HTR4: variants seen among roughly 807,000 people sequenced by gnomAD.
The protein encoded by HTR4 is 5-hydroxytryptamine receptor 4.
Under a neutral mutation model 36.8 loss-of-function variants are expected in HTR4, and 16 were observed. The ratio of observed to expected loss-of-function variants is 0.43; its 90% CI spans 0.29 to 0.66. HTR4 has a LOEUF of 0.66. Among genes scored for constraint, HTR4 ranks in the 30% least tolerant of loss-of-function variants. The probability of loss-of-function intolerance (pLI) is 0.13; values close to 1 mark genes in which losing one functional copy is unlikely to be tolerated. For missense variants in HTR4, 438 were observed against 490.9 expected, an observed-to-expected ratio of 0.89 and a Z score of 1.02; for synonymous variants, 189 against 185.1, an observed-to-expected ratio of 1.02 and a Z score of -0.17.
intron 2 of HTR4, chr5:148,629,782 T>A (rs1230545750): frequency 6.6e-6 from 1 of 152,192 alleles, no homozygotes; most frequent in Admixed American, 6.5e-5. Context: ...AGCAGTAAGT[T>A]CCAGAAGAAA....
At chr5:148,620,616 T>C (rs1752880139) in intron 2 of HTR4, among the ~76,000 whole-genome samples, 2 of 152,234 alleles carry the variant, frequency 1.3e-5, no homozygotes, top group African/African-American at 4.8e-5. Flanking sequence ...ATACTTTAGA[T>C]ATGTTAAGTT....
chr5:148,572,225 A>G (rs998184537), intron 2 of HTR4, among the ~76,000 whole-genome samples: 1 of 152,072 alleles, frequency 6.6e-6, no homozygotes, highest in Non-Finnish European at 1.5e-5. Context: ...TATTCTCATT[A>G]TCTGAGTGCT....
intron 2 of HTR4, among the ~76,000 whole-genome samples, chr5:148,588,351 G>A (rs1376118056): frequency 2.0e-5 from 3 of 152,142 alleles, no homozygotes; most frequent in African/African-American, 7.2e-5. Context: ...TCAGACCTGA[G>A]CAATGATTAT....
rs1244517058 is a variant in HTR4, at chr5:148,465,791, G to A, written c.1077-14519C>T. ...ATAAACAGACACTTAAGGATATTTT[G>A]TATAAAGAAATAAATAGGCAGACAC... is the stretch of plus-strand genomic sequence containing the variant. On this transcript the variant is annotated intron_variant, in intron 5 of 5. Coordinates refer to the HTR4 transcript ENST00000521530. 4 of 1,571,422 alleles carry A rather than the reference G, an allele frequency of 2.5e-6. No individual in the cohort carries two copies. The African/African-American group carries it at 5.5e-5, about 22-fold the overall frequency.
chr5:148,572,052 A>T (rs1411443291), intron 2 of HTR4, among the ~76,000 whole-genome samples: 1 of 152,140 alleles, frequency 6.6e-6, no homozygotes, highest in African/African-American at 2.4e-5. Flanking sequence ...AGATAAAAAA[A>T]TTAATTTTGT....
chr5:148,622,613 T>C (rs916582113), intron 2 of HTR4, among the ~76,000 whole-genome samples: 3 of 152,248 alleles, frequency 2.0e-5, no homozygotes, highest in African/African-American at 7.2e-5. Context: ...GGTTCTGTTA[T>C]TTACTAGCGG....
rs536857014 is a variant in HTR4, at chr5:148,654,145, C to T, written c.-131G>A. 640 of 985,700 alleles carry T rather than the reference C, an allele frequency of 6.5e-4. 8 individuals carry two copies. In the African/African-American group the frequency reaches 0.011, roughly 16 times the overall value. The allele number at this position is 985,700 out of a possible 1,614,324, so 61.1% of individuals were successfully genotyped here. ...CGCTGAGCCGAGCTTCTGCTGCCGC[C>T]GCTGCCGCTGCGCTCCCAGCCGCTG... On this transcript the variant is annotated 5_prime_UTR_variant, in exon 1 of 7. Transcript: ENST00000377888.
intron 2 of HTR4, among the ~76,000 whole-genome samples, chr5:148,625,718 C>T (rs1267307348): frequency 6.6e-6 from 1 of 151,908 alleles, no homozygotes; most frequent in Non-Finnish European, 1.5e-5. Flanking sequence ...GTAGCTGGGA[C>T]CACAGGTGCA....
At chr5:148,520,832 C>A in intron 5 of HTR4, 1 of 1,329,074 alleles carries the variant, frequency 7.5e-7, no homozygotes, top group Non-Finnish European at 1.0e-6. Flanking sequence ...GGATAGGATT[C>A]AAAAAATGTC....
chr5:148,471,576 T>C (rs567869910), intron 5 of HTR4, among the ~76,000 whole-genome samples: 1 of 152,240 alleles, frequency 6.6e-6, no homozygotes, highest in South Asian at 2.1e-4. Flanking sequence ...TGAGTCATTG[T>C]GCTCACAAAA....
At chr5:148,632,544 C>T (rs1414248970) in intron 2 of HTR4, among the ~76,000 whole-genome samples, 1 of 152,080 alleles carries the variant, frequency 6.6e-6, no homozygotes, top group Non-Finnish European at 1.5e-5. Context: ...TAAAAAGAAC[C>T]AAGACATAAA....
intron 1 of HTR4, among the ~76,000 whole-genome samples, 200 bp downstream of exon 1, chr5:148,653,862 G>A (rs1754111879): frequency 6.6e-6 from 1 of 152,054 alleles, no homozygotes; most frequent in African/African-American, 2.4e-5. Context: ...GTGATCCCAC[G>A]CTGGAAACAC....
intron 2 of HTR4, among the ~76,000 whole-genome samples, chr5:148,591,323 T>C (rs188584939): frequency 3.9e-5 from 6 of 152,294 alleles, no homozygotes; most frequent in Non-Finnish European, 5.9e-5. Flanking sequence ...TCTTTTTTGG[T>C]TCCATATGAA....
chr5:148,517,837 T>C (rs934496921), intron 5 of HTR4, among the ~76,000 whole-genome samples: 1 of 152,174 alleles, frequency 6.6e-6, no homozygotes, highest in African/African-American at 2.4e-5. Context: ...GTTACTCATT[T>C]GCTCAATACT....
At chr5:148,616,464 T>G (rs542490002) in intron 2 of HTR4, among the ~76,000 whole-genome samples, 99 of 152,318 alleles carry the variant, frequency 6.5e-4, no homozygotes, top group Admixed American at 5.2e-3. Context: ...TTCACTCAGC[T>G]GATAAATTAC....
intron 4 of HTR4, among the ~76,000 whole-genome samples, chr5:148,547,721 G>C (rs1266554712): frequency 6.6e-6 from 1 of 151,712 alleles, no homozygotes; most frequent in Admixed American, 6.6e-5. Flanking sequence ...AGTGAGACTT[G>C]TCCCTATAAA....
chr5:148,542,336 A>G (rs1759158189), intron 4 of HTR4, among the ~76,000 whole-genome samples: 1 of 152,244 alleles, frequency 6.6e-6, no homozygotes, highest in South Asian at 2.1e-4. Context: ...TCACAATGAC[A>G]GACACTTTTC....
intron 2 of HTR4, among the ~76,000 whole-genome samples, chr5:148,621,746 G>C (rs116357189): frequency 6.6e-6 from 1 of 152,142 alleles, no homozygotes; most frequent in African/African-American, 2.4e-5. Context: ...GTGGCTTCTA[G>C]TGAAGTCTCT....
chr5:148,594,351 CGTGTGTGTGTGTGT>C (rs59165561), intron 2 of HTR4, among the ~76,000 whole-genome samples: 4 of 148,568 alleles, frequency 2.7e-5, no homozygotes, highest in African/African-American at 9.9e-5. Context: ...TTCTGGGTTT[CGTGTGTGTGTGTGT>C]GTGTGTGTGT....
Sources: allele counts gnomAD v4.1 joint callset (sites outside exome capture counted in the v4.1 genomes callset), GRCh38; gene constraint gnomAD v4.1.1; transcripts MANE v1.5; gene names NCBI Gene and HGNC (gene_info 2026-07-23, HGNC 2026-07-21).